Variants in CLMP observed in about 807,000 individuals in gnomAD.
The protein encoded by CLMP is CXADR-like membrane protein.
Under a neutral mutation model 45.2 loss-of-function variants are expected in CLMP, and 27 were observed. That is an observed-to-expected ratio of 0.60 (90% CI 0.44 to 0.82). The LOEUF (loss-of-function observed/expected upper bound fraction) is 0.82, where lower values mean the gene tolerates loss of function less well. Ranked by LOEUF, CLMP falls within the 40% of genes least tolerant of loss-of-function variation. CLMP has a pLI of 0.00. For missense variants in CLMP, 403 were observed against 448.4 expected (o/e 0.90, Z 0.91); for synonymous variants, 167 against 171.4 (o/e 0.97, Z 0.20).
chr11:123,075,395 T>C (rs1009228061), intron 5 of CLMP, among the ~76,000 whole-genome samples: 1 of 152,074 alleles, frequency 6.6e-6, no homozygotes. Flanking sequence ...TTTGTTTGTT[T>C]GTTTGTTTTG....
intron 1 of CLMP, among the ~76,000 whole-genome samples, chr11:123,132,083 CG>C (rs34245113): frequency 9.1e-4 from 139 of 152,228 alleles, no homozygotes; most frequent in Non-Finnish European, 1.5e-3. Context: ...ATAATCTTTG[CG>C]GGGGGGTCTA....
At chr11:123,166,218 T>C (rs1344462566) in intron 1 of CLMP, among the ~76,000 whole-genome samples, 3 of 152,040 alleles carry the variant, frequency 2.0e-5, no homozygotes, top group Admixed American at 1.3e-4. Context: ...ACTGGTAGTG[T>C]TGGATGTAGC....
chr11:123,102,707 C>CTTTTTTTTTTTTT (rs34392557), intron 1 of CLMP, among the ~76,000 whole-genome samples: 49 of 93,282 alleles, frequency 5.3e-4, no homozygotes, highest in Non-Finnish European at 6.8e-4. Context: ...TCCCGAGTAG[C>CTTTTTTTTTTTTT]TTTTTTTTTT....
rs117300606 is a variant in CLMP, at chr11:123,140,046, G to A, written c.29-42094C>T. On this transcript the variant is annotated intron_variant, in intron 1 of 6. Coordinates refer to ENST00000448775, the MANE Select transcript of CLMP (RefSeq NM_024769.5). ...GAATATTATGGTTTGTTGTTTAGAC[G>A]TGTGAAGTACAGGAATAACTGCTAG... 4.5e-3 allele frequency among the ~76,000 whole-genome samples: 690 copies of A among 152,254 alleles called. 5 individuals are homozygous for A. The highest frequency in any genetic ancestry group is 0.01 in the Middle Eastern group (3 of 294).
intron 1 of CLMP, among the ~76,000 whole-genome samples, chr11:123,143,062 G>T (rs2135518643): frequency 6.6e-6 from 1 of 152,334 alleles, no homozygotes; most frequent in East Asian, 1.9e-4. Context: ...ACCCAGTGGA[G>T]GTTCCTTACA....
Position 123,074,732 on chromosome 11 carries a change from T to A in CLMP, c.791A>T (p.Tyr264Phe), listed in dbSNP as rs1865715089. Reference protein sequence around the residue: ...LLIRRKDKERYEEEERPNEIR... With the variant: ...LLIRRKDKERFEEEERPNEIR... ...TTCATTAGGTCTCTCTTCTTCCTCA[T>A]ATCTTTCTTTGTCTTTCCTTCGGAT... is the stretch of plus-strand genomic sequence containing the variant. Residue 264 changes from tyrosine to phenylalanine, a missense_variant, in exon 6 of 7, where the codon TAT becomes TTT. By Grantham distance (22) the Tyr-to-Phe change is conservative. Coordinates refer to ENST00000448775, the MANE Select transcript of CLMP (RefSeq NM_024769.5). 6.2e-7 allele frequency: 1 copy of A among 1,614,082 alleles called. No individual in the cohort carries two copies. The highest frequency in any genetic ancestry group is 8.5e-7 in the Non-Finnish European group (1 of 1,180,042).
chr11:123,168,984 G>A (rs1476983288), intron 1 of CLMP, among the ~76,000 whole-genome samples: 1 of 152,024 alleles, frequency 6.6e-6, no homozygotes, highest in Non-Finnish European at 1.5e-5. Context: ...TGCTCTTCAG[G>A]GACCCATGAA....
At chr11:123,174,541 A>C (rs1233359265) in intron 1 of CLMP, among the ~76,000 whole-genome samples, 7 of 152,174 alleles carry the variant, frequency 4.6e-5, no homozygotes, top group Non-Finnish European at 1.0e-4. Context: ...TTAAGCACTG[A>C]AAAAATAAAT....
chr11:123,103,000 T>G (rs1860475623), intron 1 of CLMP, among the ~76,000 whole-genome samples: 3 of 152,122 alleles, frequency 2.0e-5, no homozygotes, highest in Admixed American at 6.6e-5. Flanking sequence ...AATTAATATT[T>G]GTTGAATTTA....
At chr11:123,074,451 G>C (rs1330046056) in intron 6 of CLMP, among the ~76,000 whole-genome samples, 3 of 151,974 alleles carry the variant, frequency 2.0e-5, no homozygotes, top group Non-Finnish European at 4.4e-5. Context: ...CAAAGTGCTG[G>C]GATTACAGGC....
intron 1 of CLMP, among the ~76,000 whole-genome samples, chr11:123,183,185 A>C (rs1861791369): frequency 6.6e-6 from 1 of 152,058 alleles, no homozygotes; most frequent in South Asian, 2.1e-4. Context: ...CATTTCCAAC[A>C]AGCTCCCTGG....
At chr11:123,116,690 T>C (rs186112662) in intron 1 of CLMP, among the ~76,000 whole-genome samples, 3,679 of 152,336 alleles carry the variant, frequency 0.024, 157 homozygotes, top group African/African-American at 0.083. Flanking sequence ...CACTAGATTT[T>C]TGGCAACCAC....
intron 5 of CLMP, among the ~76,000 whole-genome samples, chr11:123,079,968 T>TA (rs2135465282): frequency 6.6e-6 from 1 of 152,342 alleles, no homozygotes; most frequent in East Asian, 1.9e-4. Flanking sequence ...TAGCTAGTGT[T>TA]ACTGAACACC....
intron 5 of CLMP, among the ~76,000 whole-genome samples, chr11:123,079,953 A>G (rs1225049570): frequency 1.3e-5 from 2 of 152,178 alleles, no homozygotes; most frequent in Non-Finnish European, 2.9e-5. Flanking sequence ...TGTTAATAGT[A>G]ATAATAGCTA....
intron 3 of CLMP, 52 bp downstream of exon 3, chr11:123,084,460 T>C: frequency 6.8e-7 from 1 of 1,472,194 alleles, no homozygotes; most frequent in East Asian, 2.3e-5. Flanking sequence ...GCTATCCCTC[T>C]TAGATACCTT....
At chr11:123,082,251 T>C (rs1423046347) in intron 5 of CLMP, among the ~76,000 whole-genome samples, 1 of 152,256 alleles carries the variant, frequency 6.6e-6, no homozygotes, top group Non-Finnish European at 1.5e-5. Context: ...CCCCTGGATA[T>C]AGTGAATTTC....
chr11:123,119,040 TCTCTCCCTCTCC>T (rs1860770638), intron 1 of CLMP, among the ~76,000 whole-genome samples: 2 of 46,990 alleles, frequency 4.3e-5, no homozygotes, highest in African/African-American at 1.2e-4. Context: ...TCTCTCTCTC[TCTCTCCCTCTCC>T]CTCTCTCTCT....
At chr11:123,184,277 T>C (rs1396051529) in intron 1 of CLMP, among the ~76,000 whole-genome samples, 4 of 152,004 alleles carry the variant, frequency 2.6e-5, no homozygotes, top group Non-Finnish European at 4.4e-5. Flanking sequence ...GTATTTTTAG[T>C]AGAGATGGGG....
intron 1 of CLMP, among the ~76,000 whole-genome samples, chr11:123,122,070 A>C (rs537311063): frequency 1.3e-4 from 20 of 152,250 alleles, no homozygotes; most frequent in African/African-American, 4.8e-4. Flanking sequence ...TTTGGGGAGG[A>C]AACAGAGAAA....
Sources: allele counts gnomAD v4.1 joint callset (sites outside exome capture counted in the v4.1 genomes callset), GRCh38; gene constraint gnomAD v4.1.1; transcripts MANE v1.5; gene names NCBI Gene and HGNC (gene_info 2026-07-23, HGNC 2026-07-21).